NRXN3: variants seen among roughly 807,000 people sequenced by gnomAD.
NRXN3 encodes the protein neurexin III.
A neutral mutation model predicts 137.6 loss-of-function variants in NRXN3; 32 were observed. The observed-to-expected ratio is 0.23, with a 90% CI of 0.18 to 0.31. NRXN3 has a LOEUF of 0.31. NRXN3 is among the 10% of genes least tolerant of loss of function. The pLI is 1.00. For synonymous variants in NRXN3, 798 were observed against 784.5 expected (o/e 1.02, Z -0.29); for missense variants, 1,574 against 2,062.5 (o/e 0.76, Z 4.59).
intron 10 of NRXN3, among the ~76,000 whole-genome samples, chr14:78,921,949 A>T (rs1299100804): frequency 2.0e-5 from 3 of 152,178 alleles, no homozygotes; most frequent in Admixed American, 6.5e-5. Context: ...GAGGAAACAT[A>T]TTTGTCAGAA....
At chr14:78,196,694 T>G (rs2061262103) in intron 1 of NRXN3, among the ~76,000 whole-genome samples, 2 of 152,226 alleles carry the variant, frequency 1.3e-5, no homozygotes, top group East Asian at 3.8e-4. Context: ...TTTATGAAGC[T>G]CACATTTGGG....
chr14:79,027,531 T>C (rs1349286613), intron 15 of NRXN3, among the ~76,000 whole-genome samples: 1 of 152,142 alleles, frequency 6.6e-6, no homozygotes, highest in Non-Finnish European at 1.5e-5. Flanking sequence ...TTAATACAAA[T>C]TGAAGGTTGC....
chr14:79,785,296 T>C (rs2099126139), intron 19 of NRXN3, among the ~76,000 whole-genome samples: 1 of 152,240 alleles, frequency 6.6e-6, no homozygotes. Flanking sequence ...AAGGTGGGTT[T>C]CCCTGGAGCC....
chr14:79,274,587 A>G (rs544902538), intron 15 of NRXN3, among the ~76,000 whole-genome samples: 1 of 151,770 alleles, frequency 6.6e-6, no homozygotes, highest in African/African-American at 2.4e-5. Context: ...TCTCTCTATG[A>G]GAAACTAATT....
intron 19 of NRXN3, among the ~76,000 whole-genome samples, chr14:79,754,633 T>A (rs2099013120): frequency 1.3e-5 from 2 of 149,862 alleles, no homozygotes; most frequent in Non-Finnish European, 3.0e-5. Flanking sequence ...TATATTTACA[T>A]GTATTTATAA....
intron 19 of NRXN3, among the ~76,000 whole-genome samples, chr14:79,761,979 A>T (rs2099040260): frequency 6.6e-6 from 1 of 151,646 alleles, no homozygotes; most frequent in Non-Finnish European, 1.5e-5. Context: ...TGCTTGTAGC[A>T]GTCACTCTTG....
chr14:78,966,210 G>T lies in NRXN3; in HGVS notation c.2581G>T (p.Ala861Ser), dbSNP rs776283516. The part of the protein sequence containing the change: ...NGDIDYCELK[A>S]RFGLRNIIAD... ...TGACATTGATTATTGTGAGCTGAAGGCTCGTTTTGGACTGAGGAACATCAT... is the reference window on the plus strand; with the variant it reads ...TGACATTGATTATTGTGAGCTGAAGTCTCGTTTTGGACTGAGGAACATCAT... The change falls in exon 12 of 21, where the codon GCT becomes TCT. Residue 861 changes from alanine to serine, a missense_variant. Around this residue, in one of 5 missense-constraint regions of NRXN3, gnomAD observed 718 missense variants for 887.6 expected, o/e 0.81. Transcript: ENST00000335750. 9.3e-6 allele frequency: 15 copies of T among 1,614,150 alleles called. No homozygotes were observed. The Admixed American group carries it at 1.0e-4, about 11-fold the overall frequency.
intron 4 of NRXN3, among the ~76,000 whole-genome samples, chr14:78,412,157 G>A (rs966660430): frequency 2.6e-5 from 4 of 152,194 alleles, no homozygotes; most frequent in African/African-American, 9.6e-5. Context: ...ACATAATAGA[G>A]TGACATTTCC....
intron 16 of NRXN3, among the ~76,000 whole-genome samples, chr14:79,624,614 T>C (rs1041703566): frequency 6.6e-6 from 1 of 151,422 alleles, no homozygotes; most frequent in Non-Finnish European, 1.5e-5. Flanking sequence ...GTACCTTAAG[T>C]CTCTAGATAT....
chr14:78,185,307 C>T (rs1033550639), intron 1 of NRXN3, among the ~76,000 whole-genome samples: 2 of 152,034 alleles, frequency 1.3e-5, no homozygotes, highest in African/African-American at 4.8e-5. Flanking sequence ...AGAAGTCTTC[C>T]CCAAGGAGGT....
chr14:78,300,921 TGAGG>T (rs1219741962), intron 4 of NRXN3, among the ~76,000 whole-genome samples: 1 of 152,200 alleles, frequency 6.6e-6, no homozygotes, highest in East Asian at 1.9e-4. Flanking sequence ...CCCTCTAAAC[TGAGG>T]GCGGGCCTTC....
At chr14:78,803,896 G>A in intron 9 of NRXN3, 73 bp downstream of exon 9, 1 of 1,397,226 alleles carries the variant, frequency 7.2e-7, no homozygotes, top group Non-Finnish European at 1.0e-6. Flanking sequence ...TCATTGGTTT[G>A]ATTGAATTCT....
intron 19 of NRXN3, among the ~76,000 whole-genome samples, chr14:79,745,378 A>G (rs116686666): frequency 6.6e-6 from 1 of 152,256 alleles, no homozygotes; most frequent in East Asian, 1.9e-4. Flanking sequence ...AACCATTTCC[A>G]GCAAACTCCC....
rs368431735 is a variant in NRXN3 at position 79,370,552 on chromosome 14, A to G, written c.3263-96669A>G. On this transcript the variant is annotated intron_variant, in intron 15 of 20. Transcript: ENST00000335750. ...AGGCTGGTCTCGAACTCCTGACCTC[A>G]GGTGATCTGCCTGCCTCAGCCTCCC... Among the ~76,000 whole-genome samples, 85 of 152,094 alleles carry G rather than the reference A, an allele frequency of 5.6e-4. 1 individual carries two copies. The highest frequency in any genetic ancestry group is 2.0e-3 in the African/African-American group (82 of 41,482).
At chr14:78,915,072 A>C (rs553662460) in intron 10 of NRXN3, among the ~76,000 whole-genome samples, 1 of 152,252 alleles carries the variant, frequency 6.6e-6, no homozygotes, top group East Asian at 1.9e-4. Flanking sequence ...TGGAAAAGGA[A>C]ATCTCAGAAA....
At chr14:78,241,233 C>T (rs1371103654) in intron 1 of NRXN3, among the ~76,000 whole-genome samples, 1 of 152,222 alleles carries the variant, frequency 6.6e-6, no homozygotes, top group East Asian at 1.9e-4. Flanking sequence ...GCCATACATA[C>T]ATCCACACAT....
intron 2 of NRXN3, among the ~76,000 whole-genome samples, chr14:78,274,899 A>G (rs1484741759): frequency 6.6e-6 from 1 of 152,156 alleles, no homozygotes; most frequent in African/African-American, 2.4e-5. Context: ...TTTCTTGAGT[A>G]CCTGTTACCT....
chr14:79,340,198 T>A (rs371198626), intron 15 of NRXN3, among the ~76,000 whole-genome samples: 215 of 150,826 alleles, frequency 1.4e-3, no homozygotes, highest in African/African-American at 5.0e-3. Context: ...TGTATGTGTG[T>A]GAGAGAGAGA....
intron 15 of NRXN3, among the ~76,000 whole-genome samples, chr14:79,421,909 C>T (rs759342961): frequency 2.4e-4 from 37 of 152,152 alleles, no homozygotes; most frequent in Non-Finnish European, 4.9e-4. Flanking sequence ...TTCAGTAAAA[C>T]TTCTAGAGCA....
Sources: allele counts gnomAD v4.1 joint callset (sites outside exome capture counted in the v4.1 genomes callset), GRCh38; gene constraint gnomAD v4.1.1; regional missense constraint gnomAD v4.1.1; transcripts MANE v1.5; gene names NCBI Gene and HGNC (gene_info 2026-07-23, HGNC 2026-07-21).